Variants in ARHGAP35 observed in about 807,000 individuals in gnomAD.
ARHGAP35 encodes the protein Rho GTPase activating protein 35.
Under a neutral mutation model 111.1 loss-of-function variants are expected in ARHGAP35, and 15 were observed. That is an observed-to-expected ratio of 0.13 (90% CI 0.09 to 0.21). The LOEUF is 0.21. ARHGAP35 is among the 10% of genes least tolerant of loss of function. ARHGAP35 has a pLI of 1.00. For synonymous variants in ARHGAP35, 643 were observed against 710.3 expected (o/e 0.91, Z 1.51); for missense variants, 1,262 against 1,873.0 (o/e 0.67, Z 6.02).
intron 3 of ARHGAP35, among the ~76,000 whole-genome samples, chr19:46,954,601 C>T (rs896403737): frequency 5.9e-5 from 9 of 152,230 alleles, no homozygotes; most frequent in African/African-American, 2.2e-4. Flanking sequence ...CTGAATCCCA[C>T]TTTTTCAAAC....
In ARHGAP35 at chr19:46,986,020, T is replaced by C. The variant is rs2056647947; in HGVS notation, c.3827-1969T>C. ...TGACTGACTCCAGGGCCCGGTGCTC[T>C]CTACTGTCGGCACTGTTTCTGTTGT... On this transcript the variant is annotated intron_variant, in intron 3 of 6. Coordinates refer to ENST00000672722, the MANE Select transcript of ARHGAP35 (RefSeq NM_004491.5). The surrounding 1 kb of genome is among the most constrained non-coding windows in gnomAD (Gnocchi z 4.3). Among the ~76,000 whole-genome samples the C allele has an allele frequency of 6.6e-6, 1 of 152,172 alleles. No individual in the cohort carries two copies. The highest frequency in any genetic ancestry group is 2.4e-5 in the African/African-American group (1 of 41,448).
chr19:46,949,195 T>G (rs1599841189), intron 3 of ARHGAP35: 2 of 151,640 alleles, frequency 1.3e-5, no homozygotes, highest in Admixed American at 1.3e-4. Flanking sequence ...ATACTTTAAA[T>G]GGATACAGTT....
At chr19:46,917,740 G>A (rs2122190625) in intron 1 of ARHGAP35, among the ~76,000 whole-genome samples, 1 of 152,000 alleles carries the variant, frequency 6.6e-6, no homozygotes, top group East Asian at 1.9e-4. Flanking sequence ...TTTTGAGATA[G>A]TCTTACTCTG....
chr19:46,887,085 A>G (rs1460865773), intron 1 of ARHGAP35, among the ~76,000 whole-genome samples: 2 of 152,030 alleles, frequency 1.3e-5, no homozygotes, highest in Non-Finnish European at 2.9e-5. Flanking sequence ...CATCCGTCTC[A>G]TGTTTGTTAA....
At position 46,864,306 on chromosome 19, in the gene ARHGAP35, G is replaced by T. The variant is rs112779250; in HGVS notation, c.-189+3097G>T. The stretch of plus-strand genomic sequence containing the variant: ...TAGAGGTGGTTTTTACAGAAAATCT[G>T]TCCAACCATTTTCCTTCCTTAACTT... On this transcript the variant is annotated intron_variant, in intron 1 of 6. Transcript: ENST00000672722. Among the ~76,000 whole-genome samples the T allele has an allele frequency of 7.6e-4, 116 of 152,304 alleles. 3 individuals are homozygous for T. In the East Asian group the frequency reaches 0.02, roughly 26 times the overall value.
intron 1 of ARHGAP35, among the ~76,000 whole-genome samples, chr19:46,875,151 C>G (rs1378905512): frequency 6.6e-6 from 1 of 151,958 alleles, no homozygotes; most frequent in Non-Finnish European, 1.5e-5. Flanking sequence ...AAAGTTTACC[C>G]CATTTGGTTT....
chr19:47,001,914 TG>T lies in ARHGAP35; in HGVS notation c.*1230del. ...AGTGTTCATGGGGATGTGGGCGAGGTGGGGCACTTTGAAGGAATGGCGGTCT... is the reference window on the plus strand; with the variant it reads ...AGTGTTCATGGGGATGTGGGCGAGGTGGGCACTTTGAAGGAATGGCGGTCT... On this transcript the variant is annotated 3_prime_UTR_variant, in exon 7 of 7. Transcript: ENST00000672722. The surrounding 1 kb of genome is among the most constrained non-coding windows in gnomAD (Gnocchi z 5.4). 6.4e-6 allele frequency: 1 copy of T among 157,094 alleles called. No homozygotes were observed. Among genetic ancestry groups the T allele is most frequent in the South Asian group, 1.9e-4 (1 of 5,178 alleles). 9.7% of individuals were successfully genotyped at this position (157,094 alleles called of 1,614,324 possible).
At chr19:46,910,286 AT>A (rs58776927) in intron 1 of ARHGAP35, among the ~76,000 whole-genome samples, 8 of 150,586 alleles carry the variant, frequency 5.3e-5, no homozygotes, top group Non-Finnish European at 1.2e-4. Context: ...TTAATTTTTT[AT>A]TTTTTTTCTT....
intron 3 of ARHGAP35, among the ~76,000 whole-genome samples, chr19:46,983,793 T>C (rs2056634211): frequency 6.6e-6 from 1 of 151,908 alleles, no homozygotes; most frequent in African/African-American, 2.4e-5. Flanking sequence ...TTTTTTGTAT[T>C]TTTAGTAGAG....
At chr19:46,875,668 C>A (rs766285451) in intron 1 of ARHGAP35, among the ~76,000 whole-genome samples, 56 of 151,980 alleles carry the variant, frequency 3.7e-4, no homozygotes, top group Non-Finnish European at 1.2e-4. Context: ...TTTTTGAGAA[C>A]TAAATACCAT....
At chr19:46,882,067 A>C (rs2055965133) in intron 1 of ARHGAP35, among the ~76,000 whole-genome samples, 1 of 151,836 alleles carries the variant, frequency 6.6e-6, no homozygotes, top group Non-Finnish European at 1.5e-5. Flanking sequence ...GCTCTGGATT[A>C]GGTTTTGGTT....
intron 1 of ARHGAP35, among the ~76,000 whole-genome samples, chr19:46,912,913 G>A (rs1420325278): frequency 6.6e-6 from 1 of 151,918 alleles, no homozygotes; most frequent in South Asian, 2.1e-4. Context: ...GAAATACGAG[G>A]TTTTAAGGAG....
intron 1 of ARHGAP35, among the ~76,000 whole-genome samples, chr19:46,889,535 G>A (rs1281036124): frequency 2.6e-5 from 4 of 152,000 alleles, no homozygotes; most frequent in African/African-American, 7.3e-5. Flanking sequence ...AATGTGCACC[G>A]CCTTAGGTGG....
At chr19:46,891,446 T>C (rs1568461713) in intron 1 of ARHGAP35, among the ~76,000 whole-genome samples, 1 of 151,544 alleles carries the variant, frequency 6.6e-6, no homozygotes, top group Admixed American at 6.6e-5. Flanking sequence ...TTTTTTTTTT[T>C]AGATGGAGTC....
chr19:46,938,283 G>C (rs866436438), intron 3 of ARHGAP35, among the ~76,000 whole-genome samples: 36 of 152,230 alleles, frequency 2.4e-4, no homozygotes, highest in African/African-American at 8.7e-4. Flanking sequence ...GTGAAGCTGA[G>C]TGACAGTGTT....
At chr19:46,983,256 G>A (rs1029636451) in intron 3 of ARHGAP35, among the ~76,000 whole-genome samples, 4 of 151,944 alleles carry the variant, frequency 2.6e-5, no homozygotes, top group African/African-American at 7.3e-5. Context: ...CCATCTGTGC[G>A]ACTCACTCAT....
intron 1 of ARHGAP35, among the ~76,000 whole-genome samples, chr19:46,884,502 T>C (rs900259555): frequency 2.7e-5 from 4 of 150,216 alleles, no homozygotes; most frequent in African/African-American, 7.4e-5. Flanking sequence ...CCTTTTTTTT[T>C]TTTTTTTTTT....
At position 46,920,445 on chromosome 19, in the gene ARHGAP35, C is replaced by T. The variant is rs1391414678; in HGVS notation, c.1770C>T (p.Leu590=). 6.2e-7 allele frequency: 1 copy of T among 1,613,914 alleles called. No homozygotes were observed. Among genetic ancestry groups the T allele is most frequent in the Admixed American group, 1.7e-5 (1 of 60,026 alleles). The change falls in exon 2 of 7, where the codon CTC becomes CTT. Residue 590 remains leucine (L), a synonymous_variant. Coordinates refer to ENST00000672722, the MANE Select transcript of ARHGAP35 (RefSeq NM_004491.5). This position sits in a 1 kb window ranked among gnomAD's most constrained non-coding sequence, Gnocchi z 7.0. The part of the protein sequence containing the change: ...RPSDRNQKNS[L]SDPNIDRINL... ...CTGACCGGAATCAGAAAAATTCACT[C>T]TCTGACCCTAACATTGATAGAATCA...
chr19:46,870,415 T>C (rs2055881645), intron 1 of ARHGAP35, among the ~76,000 whole-genome samples: 1 of 151,448 alleles, frequency 6.6e-6, no homozygotes, highest in Non-Finnish European at 1.5e-5. Flanking sequence ...CCATCTCTAC[T>C]AAAAATACAA....
Sources: gnomAD v4.1 joint callset for allele counts (sites outside exome capture counted in the v4.1 genomes callset) on GRCh38, gnomAD v4.1.1 for gene constraint, Gnocchi (gnomAD v3.1) non-coding constraint, MANE v1.5 for transcripts, NCBI Gene and HGNC (gene_info 2026-07-23, HGNC 2026-07-21) for gene names.